Variants in IL2RB observed in about 807,000 individuals in gnomAD.
IL2RB encodes interleukin-2 receptor subunit beta.
A neutral mutation model predicts 44.2 loss-of-function variants in IL2RB; 17 were observed. The observed-to-expected ratio is 0.38, with a 90% CI of 0.26 to 0.58. The LOEUF (loss-of-function observed/expected upper bound fraction) is 0.58. Ranked by LOEUF, IL2RB falls within the 20% of genes least tolerant of loss-of-function variation. The pLI, the probability that IL2RB is intolerant of heterozygous loss-of-function variation, is 0.63. For missense variants in IL2RB, 624 were observed against 685.5 expected (o/e 0.91, Z 1.00); for synonymous variants, 286 against 297.9 (o/e 0.96, Z 0.41).
intron 1 of IL2RB, among the ~76,000 whole-genome samples, chr22:37,162,973 C>A (rs1345857716): frequency 6.6e-6 from 1 of 152,222 alleles, no homozygotes; most frequent in Admixed American, 6.5e-5. Context: ...CCACCCCTGT[C>A]CCCAGGCCAG....
At chr22:37,173,514 A>C (rs948479949) in intron 1 of IL2RB, among the ~76,000 whole-genome samples, 4 of 152,316 alleles carry the variant, frequency 2.6e-5, no homozygotes, top group Admixed American at 1.3e-4. Flanking sequence ...AAATATAAGA[A>C]AGTGTCTACC....
intron 1 of IL2RB, among the ~76,000 whole-genome samples, chr22:37,156,143 A>G (rs921351122): frequency 1.3e-5 from 2 of 152,134 alleles, no homozygotes; most frequent in African/African-American, 4.8e-5. Flanking sequence ...GTCAGGGTCC[A>G]CACTGTAGCC....
chr22:37,144,896 G>A (rs148057011), intron 1 of IL2RB, among the ~76,000 whole-genome samples: 11 of 152,332 alleles, frequency 7.2e-5, no homozygotes, highest in South Asian at 4.1e-4. Context: ...ACTAAGGACA[G>A]GTATTTTTGT....
At position 37,144,153 on chromosome 22, in the gene IL2RB, G is replaced by A; in HGVS notation, c.20C>T (p.Ser7Phe). The change falls in exon 2 of 10, where the codon TCC (serine) becomes TTC (phenylalanine). Residue 7 changes from serine (S) to phenylalanine (F), a missense_variant. By Grantham distance (155) the Ser-to-Phe change is radical. Coordinates refer to ENST00000216223, the MANE Select transcript of IL2RB (RefSeq NM_000878.5). MAAPAL[S>F]WRLPLLILLL... ...GAGGATGAGGAGGGGCAGACGCCAG[G>A]ACAGAGCAGGGGCCGCCATTACATC... 6.4e-7 allele frequency: 1 copy of A among 1,551,794 alleles called. No homozygotes were observed. The highest frequency in any genetic ancestry group is 8.7e-7 in the Non-Finnish European group (1 of 1,147,082).
chr22:37,128,459 G>A lies in IL2RB; in HGVS notation c.1293C>T (p.Ser431=), dbSNP rs1921246178. 5.7e-6 allele frequency: 9 copies of A among 1,573,728 alleles called. No homozygotes were observed. The highest frequency in any genetic ancestry group is 1.2e-5 in the South Asian group (1 of 85,230). The part of the protein sequence containing the change: ...FPSRDDLLLF[S]PSLLGGPSPP... Reference sequence around the variant, plus strand: ...GGCTGGGGCCACCGAGGAGACTGGGGGAGAAGAGCAGCAGGTCATCCCTGG... The same window carrying A: ...GGCTGGGGCCACCGAGGAGACTGGGAGAGAAGAGCAGCAGGTCATCCCTGG... The change falls in exon 10 of 10, where the codon TCC becomes TCT. Residue 431 remains serine, a synonymous_variant. Transcript: ENST00000216223. The surrounding 1 kb of genome is among the most constrained non-coding windows in gnomAD (Gnocchi z 4.5).
At chr22:37,150,889 T>C (rs1157266359), upstream of IL2RB, among the ~76,000 whole-genome samples, 1 of 152,228 alleles carries the variant, frequency 6.6e-6, no homozygotes, top group Non-Finnish European at 1.5e-5. Context: ...AAACATGTGG[T>C]TGCAAAGACA....
At chr22:37,162,388 T>C (rs916465868) in intron 1 of IL2RB, among the ~76,000 whole-genome samples, 1 of 152,186 alleles carries the variant, frequency 6.6e-6, no homozygotes, top group Non-Finnish European at 1.5e-5. Context: ...GGGGGAGAGC[T>C]GACCCTGAGC....
Position 37,136,195 on chromosome 22 carries a change from G to A in IL2RB, c.703+33C>T, listed in dbSNP as rs760664364. The A allele has an allele frequency of 3.8e-6, 6 of 1,587,406 alleles. No individual in the cohort carries two copies. In the East Asian group the frequency reaches 1.4e-4, roughly 36 times the overall value. The stretch of plus-strand genomic sequence containing the variant: ...CTCCTCCAGCCGCCCCCTCCTGCCT[G>A]AGCCCCCTCTCACCCTTGCCGCCCA... On this transcript the variant is annotated intron_variant, in intron 7 of 9. Coordinates refer to ENST00000216223, the MANE Select transcript of IL2RB (RefSeq NM_000878.5).
intron 1 of IL2RB, among the ~76,000 whole-genome samples, chr22:37,165,103 A>G (rs1039018532): frequency 1.3e-5 from 2 of 152,184 alleles, no homozygotes; most frequent in Admixed American, 1.3e-4. Flanking sequence ...CTCTTATCCT[A>G]TTTTGCAGAT....
In IL2RB at chr22:37,128,750, C is replaced by A. The variant is rs529360210; in HGVS notation, c.1002G>T (p.Thr334=). The change falls in exon 10 of 10, where the codon ACG becomes ACT. Residue 334 remains threonine (T), a synonymous_variant. Transcript: ENST00000216223. The surrounding 1 kb of genome is among the most constrained non-coding windows in gnomAD (Gnocchi z 4.5). ...CCTTGTCCTGCTGCAGGAGCAGCTG[C>A]GTCACCTTGTCCCTCTCCAGCACTT... ...PLEVLERDKV[T]QLLLQQDKVP... is the part of the protein sequence containing the mutation. 1 of 1,614,102 alleles carries A rather than the reference C, an allele frequency of 6.2e-7. No homozygotes were observed. The highest frequency in any genetic ancestry group is 1.7e-5 in the Admixed American group (1 of 60,014).
chr22:37,132,281 G>C, intron 9 of IL2RB, 103 bp downstream of exon 9: 2 of 847,814 alleles, frequency 2.4e-6, no homozygotes, highest in Non-Finnish European at 3.8e-6. Flanking sequence ...TCACTTCGGC[G>C]TTTTGTCTCC....
chr22:37,163,412 A>C (rs1449933438), intron 1 of IL2RB, among the ~76,000 whole-genome samples: 1 of 152,148 alleles, frequency 6.6e-6, no homozygotes, highest in African/African-American at 2.4e-5. Context: ...ACTTCACCAA[A>C]TGCAGGAAGG....
At chr22:37,133,885 C>G (rs1160019297) in intron 8 of IL2RB, among the ~76,000 whole-genome samples, 1 of 152,190 alleles carries the variant, frequency 6.6e-6, no homozygotes, top group East Asian at 1.9e-4. Flanking sequence ...TTTCTTCCCT[C>G]CTGCCTGCCC....
At position 37,142,449 on chromosome 22, in the gene IL2RB, G is replaced by A. The variant is rs771097985; in HGVS notation, c.267C>T (p.Ile89=). The change falls in exon 4 of 10, where the codon ATC becomes ATT. Residue 89 remains isoleucine, a synonymous_variant. Coordinates refer to ENST00000216223, the MANE Select transcript of IL2RB (RefSeq NM_000878.5). ...VSQASWACNL[I]LGAPDSQKLT... ...GGCTACTCACATCTGGGGCTCCGAG[G>A]ATCAGGTTGCAGGCCCAGGATGCTT... 9.3e-6 allele frequency: 15 copies of A among 1,614,010 alleles called. No individual in the cohort carries two copies. Among genetic ancestry groups the A allele is most frequent in the Non-Finnish European group, 2.5e-6 (3 of 1,179,984 alleles).
chr22:37,149,776 G>A (rs573031710), intron 1 of IL2RB, 49 bp downstream of exon 1: 1 of 888,096 alleles, frequency 1.1e-6, no homozygotes, highest in African/African-American at 1.8e-5. Flanking sequence ...TTCACTCCCA[G>A]CCCTCTGGCT....
chr22:37,129,896 G>A (rs554696448), intron 9 of IL2RB, among the ~76,000 whole-genome samples: 26 of 152,296 alleles, frequency 1.7e-4, no homozygotes, highest in Middle Eastern at 6.8e-3. Context: ...AGGCCCAATG[G>A]GCTCCCCAGG....
rs1259080879 is a variant in IL2RB, at chr22:37,137,197, G to C, written c.537+390C>G. On this transcript the variant is annotated intron_variant, in intron 6 of 9. Coordinates refer to ENST00000216223, the MANE Select transcript of IL2RB (RefSeq NM_000878.5). ...TCAGCAAATATTTATTGAGTGAGCA[G>C]TTGAGTGAATGAAGAAATGAGTGTA... Among the ~76,000 whole-genome samples the C allele has an allele frequency of 5.9e-5, 9 of 152,364 alleles. No individual in the cohort carries two copies. The South Asian group carries it at 1.9e-3, about 32-fold the overall frequency.
chr22:37,164,858 C>T (rs752908414), intron 1 of IL2RB, among the ~76,000 whole-genome samples: 1 of 152,176 alleles, frequency 6.6e-6, no homozygotes, highest in Non-Finnish European at 1.5e-5. Context: ...ACGCACCAGG[C>T]CCTATTCTAA....
At chr22:37,145,716 G>C (rs995749664) in intron 1 of IL2RB, among the ~76,000 whole-genome samples, 2 of 152,090 alleles carry the variant, frequency 1.3e-5, no homozygotes, top group Non-Finnish European at 1.5e-5. Flanking sequence ...CTCAGTCAGA[G>C]GGGCAGGGGG....
Sources: allele counts gnomAD v4.1 joint callset (sites outside exome capture counted in the v4.1 genomes callset), GRCh38; gene constraint gnomAD v4.1.1; non-coding constraint Gnocchi (gnomAD v3.1); transcripts MANE v1.5; gene names NCBI Gene and HGNC (gene_info 2026-07-23, HGNC 2026-07-21).